CEP295NL: variants seen among roughly 807,000 people sequenced by gnomAD.
CEP295NL encodes the protein protein DDC8 homolog.
Under a neutral mutation model 4.6 loss-of-function variants are expected in CEP295NL, and 3 were observed. That is an observed-to-expected ratio of 0.65 (90% CI 0.30 to 1.69). The LOEUF (loss-of-function observed/expected upper bound fraction) is 1.69, where lower values mean the gene tolerates loss of function less well. Among genes scored for constraint, CEP295NL ranks in the 40% most tolerant of loss-of-function variants. The pLI, the probability that CEP295NL is intolerant of heterozygous loss-of-function variation, is 0.10. For synonymous variants in CEP295NL, 295 were observed against 312.2 expected (o/e 0.94, Z 0.58); for missense variants, 719 against 769.0 (o/e 0.93, Z 0.77).
chr17:78,902,913 A>T (rs1404954224), intron 1 of CEP295NL: 1 of 151,422 alleles, frequency 6.6e-6, no homozygotes, highest in Non-Finnish European at 1.5e-5. Flanking sequence ...AGCTTCCCTC[A>T]CTCTCCTTCC....
chr17:78,891,537 C>A lies in CEP295NL; in HGVS notation c.967G>T (p.Val323Leu). The A allele has an allele frequency of 6.4e-7, 1 of 1,551,054 alleles. No homozygotes were observed. Among genetic ancestry groups the A allele is most frequent in the South Asian group, 1.2e-5 (1 of 84,062 alleles). Residue 323 changes from valine (V) to leucine (L), a missense_variant, in exon 3 of 3, where the codon GTG (valine) becomes TTG (leucine). Coordinates refer to ENST00000322630, the MANE Select transcript of CEP295NL (RefSeq NM_001243540.2). The surrounding 1 kb of genome is among the most constrained non-coding windows in gnomAD (Gnocchi z 4.5). The part of the protein sequence containing the change: ...PADSSCRREA[V>L]SPASQCTLRE... ...AGCGTGCACTGAGATGCTGGGGACACGGCTTCCCTTCTGCAGCTGGAATCA... is the reference window on the plus strand; with the variant it reads ...AGCGTGCACTGAGATGCTGGGGACAAGGCTTCCCTTCTGCAGCTGGAATCA...
chr17:78,894,663 T>G (rs1382317976), intron 2 of CEP295NL, among the ~76,000 whole-genome samples: 2 of 152,188 alleles, frequency 1.3e-5, no homozygotes, highest in Non-Finnish European at 2.9e-5. Flanking sequence ...TAACTCACAA[T>G]GGATCATAGA....
Position 78,892,240 on chromosome 17 carries a change from T to G in CEP295NL, c.264A>C (p.Lys88Asn), listed in dbSNP as rs1599161124. 4 of 1,550,870 alleles carry G rather than the reference T, an allele frequency of 2.6e-6. No individual in the cohort carries two copies. The change falls in exon 3 of 3, where the codon AAA becomes AAC. Residue 88 changes from lysine to asparagine, a missense_variant. Lys to Asn is a moderately conservative substitution (Grantham distance 94, BLOSUM62 0). Transcript: ENST00000322630. ...KKHKLLQARG[K>N]GDLALQRRAD... ...CTCTTCTCTGCAGAGCGAGATCGCC[T>G]TTGCCCCGGGCTTGTAGCAATTTGT...
At chr17:78,894,196 C>CG (rs1199806793) in intron 2 of CEP295NL, among the ~76,000 whole-genome samples, 1 of 151,856 alleles carries the variant, frequency 6.6e-6, no homozygotes, top group East Asian at 1.9e-4. Context: ...AGCTCCTACC[C>CG]CCCCCGGTTC....
intron 2 of CEP295NL, among the ~76,000 whole-genome samples, chr17:78,893,026 G>A (rs1395230104): frequency 6.6e-6 from 1 of 152,152 alleles, no homozygotes; most frequent in Non-Finnish European, 1.5e-5. Flanking sequence ...AAAGGAGGAA[G>A]AGACGGGGCA....
At chr17:78,895,199 T>C (rs916412319) in intron 2 of CEP295NL, among the ~76,000 whole-genome samples, 1 of 152,130 alleles carries the variant, frequency 6.6e-6, no homozygotes, top group African/African-American at 2.4e-5. Context: ...GAGAATTGCT[T>C]GTATCTGGGA....
chr17:78,892,317 T>C lies in CEP295NL; in HGVS notation c.187A>G (p.Met63Val), dbSNP rs1394734170. 1 of 1,550,700 alleles carries C rather than the reference T, an allele frequency of 6.4e-7. No homozygotes were observed. The change falls in exon 3 of 3, where the codon ATG becomes GTG. Residue 63 changes from methionine to valine, a missense_variant. Met to Val is a conservative substitution (Grantham distance 21). Transcript: ENST00000322630. The part of the protein sequence containing the change: ...ADRNRNMDGA[M>V]WLSLCPDNED... ...TTATCAGGACAGAGGCTCAGCCACA[T>C]GGCTCCATCCATGTTTCTGTTCCTG... is the stretch of plus-strand genomic sequence containing the variant.
rs1440612428 is a variant in CEP295NL, at chr17:78,892,106, T to G, written c.398A>C (p.Gln133Pro). The G allele has an allele frequency of 6.4e-7, 1 of 1,551,708 alleles. No homozygotes were observed. The highest frequency in any genetic ancestry group is 8.7e-7 in the Non-Finnish European group (1 of 1,147,708). ...HLHVGGLDRL[Q>P]SARLLGWGGG... Reference sequence around the variant, plus strand: ...TCCCCAGCCCAACAGACGTGCTGACTGCAGCCTGTCCAGGCCACCGACGTG... The same window carrying G: ...TCCCCAGCCCAACAGACGTGCTGACGGCAGCCTGTCCAGGCCACCGACGTG... Residue 133 changes from glutamine (Q) to proline (P), a missense_variant, in exon 3 of 3, where the codon CAG becomes CCG. Coordinates refer to ENST00000322630, the MANE Select transcript of CEP295NL (RefSeq NM_001243540.2).
At chr17:78,892,642 T>A in intron 2 of CEP295NL, 183 bp from the exon 3 acceptor site, 1 of 879,000 alleles carries the variant, frequency 1.1e-6, no homozygotes, top group South Asian at 1.9e-5. Flanking sequence ...TCCTGTACAC[T>A]TTTGACAAGA....
At chr17:78,894,100 A>G (rs1448821185) in intron 2 of CEP295NL, among the ~76,000 whole-genome samples, 1 of 152,168 alleles carries the variant, frequency 6.6e-6, no homozygotes, top group Admixed American at 6.5e-5. Context: ...CATCTACATT[A>G]CAGCTAACAT....
intron 2 of CEP295NL, chr17:78,900,870 C>G (rs74002620): frequency 6.6e-6 from 1 of 152,244 alleles, no homozygotes; most frequent in East Asian, 1.9e-4. Flanking sequence ...GGACAAAAGA[C>G]GCTGGGCCAC....
Position 78,892,121 on chromosome 17 carries a change from C to A in CEP295NL, c.383G>T (p.Gly128Val). The A allele has an allele frequency of 6.4e-7, 1 of 1,551,124 alleles. No homozygotes were observed. The highest frequency in any genetic ancestry group is 8.7e-7 in the Non-Finnish European group (1 of 1,147,378). Residue 128 changes from glycine to valine, a missense_variant, in exon 3 of 3, where the codon GGC becomes GTC. By Grantham distance (109) the Gly-to-Val change is moderately radical (BLOSUM62 -3). Transcript: ENST00000322630. Reference sequence around the variant, plus strand: ...ACGTGCTGACTGCAGCCTGTCCAGGCCACCGACGTGCAGGTGCTGTGCCTC... The same window carrying A: ...ACGTGCTGACTGCAGCCTGTCCAGGACACCGACGTGCAGGTGCTGTGCCTC... ...YQEAQHLHVG[G>V]LDRLQSARLL...
At position 78,891,224 on chromosome 17, in the gene CEP295NL, A is replaced by G. The variant is rs1031552466; in HGVS notation, c.1280T>C (p.Met427Thr). 10 of 1,550,548 alleles carry G rather than the reference A, an allele frequency of 6.4e-6. No individual in the cohort carries two copies. The African/African-American group carries it at 1.1e-4, about 17-fold the overall frequency. ...ATATTTTTGGTTCTGGGCCTTGCCCATGAACGTTTTCAAGTCGGTCTTGGA... is the reference window on the plus strand; with the variant it reads ...ATATTTTTGGTTCTGGGCCTTGCCCGTGAACGTTTTCAAGTCGGTCTTGGA... ...AASKTDLKTF[M>T]GKAQNQKYQG... The change falls in exon 3 of 3, where the codon ATG becomes ACG. Residue 427 changes from methionine to threonine, a missense_variant. Coordinates refer to ENST00000322630, the MANE Select transcript of CEP295NL (RefSeq NM_001243540.2). The surrounding 1 kb of genome is among the most constrained non-coding windows in gnomAD (Gnocchi z 4.5).
chr17:78,899,974 T>C (rs1197096232), intron 2 of CEP295NL: 1 of 152,212 alleles, frequency 6.6e-6, no homozygotes, highest in Non-Finnish European at 1.5e-5. Context: ...AATTAGAGCT[T>C]ACCCTTTCAT....
intron 2 of CEP295NL, 44 bp from the exon 3 acceptor site, chr17:78,892,503 A>G: frequency 6.6e-7 from 1 of 1,506,490 alleles, no homozygotes; most frequent in Non-Finnish European, 8.9e-7. Context: ...GATCGCTCCC[A>G]GGAGAGTGAG....
At chr17:78,893,512 TGC>T (rs2069951098) in intron 2 of CEP295NL, among the ~76,000 whole-genome samples, 1 of 148,320 alleles carries the variant, frequency 6.7e-6, no homozygotes, top group African/African-American at 2.6e-5. Flanking sequence ...CAGGGGTGTG[TGC>T]GTGTGCACAT....
At chr17:78,902,507 G>A (rs142963029) in intron 1 of CEP295NL, among the ~76,000 whole-genome samples, 1 of 152,294 alleles carries the variant, frequency 6.6e-6, no homozygotes, top group Non-Finnish European at 1.5e-5. Context: ...TTTTCCACCC[G>A]AATACTGGGG....
At chr17:78,901,392 C>T (rs1242939999) in intron 2 of CEP295NL, 1 of 245,448 alleles carries the variant, frequency 4.1e-6, no homozygotes, top group Non-Finnish European at 8.1e-6. Flanking sequence ...GAACAAGGAG[C>T]AAATCTGAAC....
intron 2 of CEP295NL, among the ~76,000 whole-genome samples, chr17:78,895,390 G>A (rs776322233): frequency 1.4e-4 from 21 of 152,172 alleles, no homozygotes; most frequent in South Asian, 1.2e-3. Context: ...CAACGGCAGC[G>A]GTCTTTAGAG....
Sources: allele counts gnomAD v4.1 joint callset (sites outside exome capture counted in the v4.1 genomes callset), GRCh38; gene constraint gnomAD v4.1.1; non-coding constraint Gnocchi (gnomAD v3.1); transcripts MANE v1.5; gene names NCBI Gene and HGNC (gene_info 2026-07-23, HGNC 2026-07-21).